ZNF385D: variants seen among roughly 807,000 people sequenced by gnomAD.
ZNF385D encodes zinc finger protein 385D.
A neutral mutation model predicts 35.8 loss-of-function variants in ZNF385D; 15 were observed. That is an observed-to-expected ratio of 0.42 (90% CI 0.28 to 0.64). The LOEUF (loss-of-function observed/expected upper bound fraction) is 0.64. Ranked by LOEUF, ZNF385D falls within the 30% of genes least tolerant of loss-of-function variation. ZNF385D has a pLI of 0.23. For synonymous variants in ZNF385D, 212 were observed against 186.8 expected, an observed-to-expected ratio of 1.13 and a Z score of -1.10; for missense variants, 474 against 494.6, an observed-to-expected ratio of 0.96 and a Z score of 0.39.
At chr3:22,223,378 T>C (rs917242935) in intron 2 of ZNF385D, among the ~76,000 whole-genome samples, 1 of 152,178 alleles carries the variant, frequency 6.6e-6, no homozygotes, top group African/African-American at 2.4e-5. Flanking sequence ...GTACAGTGTT[T>C]AATAATGTAG....
chr3:21,693,913 C>G (rs1485840833), intron 1 of ZNF385D, among the ~76,000 whole-genome samples: 1 of 143,464 alleles, frequency 7.0e-6, no homozygotes, highest in East Asian at 2.0e-4. Flanking sequence ...CGGAGTCTCA[C>G]TGTCACCCAG....
At chr3:21,975,868 G>T (rs995300341) in intron 3 of ZNF385D, among the ~76,000 whole-genome samples, 2 of 151,632 alleles carry the variant, frequency 1.3e-5, no homozygotes, top group African/African-American at 4.9e-5. Flanking sequence ...CTTCCATTGA[G>T]TCATCTGATT....
At chr3:21,612,613 C>A (rs1264913693) in intron 2 of ZNF385D, among the ~76,000 whole-genome samples, 10 of 152,158 alleles carry the variant, frequency 6.6e-5, no homozygotes, top group Non-Finnish European at 1.5e-4. Flanking sequence ...ATATCAGTCA[C>A]AGACATATAA....
chr3:22,103,214 A>ATTTT (rs34216046), intron 3 of ZNF385D, among the ~76,000 whole-genome samples: 13 of 147,486 alleles, frequency 8.8e-5, no homozygotes, highest in Non-Finnish European at 1.6e-4. Flanking sequence ...CCCTGGGGCC[A>ATTTT]TTTTTTTTTT....
At chr3:22,249,996 T>C (rs1576563186) in intron 2 of ZNF385D, among the ~76,000 whole-genome samples, 1 of 152,286 alleles carries the variant, frequency 6.6e-6, no homozygotes, top group South Asian at 2.1e-4. Context: ...CTATACAATG[T>C]GGAAATTTAC....
chr3:21,761,786 A>G (rs1229758653), intron 3 of ZNF385D, among the ~76,000 whole-genome samples: 1 of 147,940 alleles, frequency 6.8e-6, no homozygotes, highest in Non-Finnish European at 1.5e-5. Context: ...TTTTTCAGGT[A>G]TTACCCAAGT....
At chr3:22,032,029 A>C (rs138747670) in intron 3 of ZNF385D, among the ~76,000 whole-genome samples, 25 of 152,328 alleles carry the variant, frequency 1.6e-4, no homozygotes, top group African/African-American at 6.0e-4. Context: ...CTTTCTGCTA[A>C]AGCATAGCAA....
chr3:21,614,992 T>C (rs994766972), intron 2 of ZNF385D, among the ~76,000 whole-genome samples: 4 of 152,200 alleles, frequency 2.6e-5, no homozygotes, highest in Non-Finnish European at 5.9e-5. Flanking sequence ...TGAATAGCCA[T>C]CTGCCAACAA....
intron 3 of ZNF385D, among the ~76,000 whole-genome samples, chr3:22,041,722 G>A (rs1698673426): frequency 6.6e-6 from 1 of 151,966 alleles, no homozygotes; most frequent in African/African-American, 2.4e-5. Flanking sequence ...ATTGTTTTAG[G>A]TGCTAGAAAC....
chr3:21,906,914 T>A (rs1293427109), intron 3 of ZNF385D, among the ~76,000 whole-genome samples: 1 of 152,174 alleles, frequency 6.6e-6, no homozygotes, highest in Non-Finnish European at 1.5e-5. Flanking sequence ...ACTAGCTTCA[T>A]ATTAATCCTG....
At chr3:22,294,881 T>TA (rs1388167098) in intron 2 of ZNF385D, among the ~76,000 whole-genome samples, 1 of 152,130 alleles carries the variant, frequency 6.6e-6, no homozygotes, top group African/African-American at 2.4e-5. Flanking sequence ...CCTTTGTGTT[T>TA]AAAAGGAAAA....
intron 3 of ZNF385D, among the ~76,000 whole-genome samples, chr3:21,865,378 G>GA (rs1393372185): frequency 6.7e-6 from 1 of 149,956 alleles, no homozygotes; most frequent in African/African-American, 2.4e-5. Flanking sequence ...ATTCGTGAAA[G>GA]ATAAAATCCT....
At chr3:22,251,500 C>T (rs1576565775) in intron 2 of ZNF385D, among the ~76,000 whole-genome samples, 2 of 152,102 alleles carry the variant, frequency 1.3e-5, no homozygotes, top group South Asian at 4.1e-4. Flanking sequence ...CATAATTTTA[C>T]AGGTTTCTCC....
chr3:21,554,347 T>C (rs1202828013), intron 3 of ZNF385D, among the ~76,000 whole-genome samples: 1 of 152,172 alleles, frequency 6.6e-6, no homozygotes, highest in Non-Finnish European at 1.5e-5. Flanking sequence ...GAAAGAAATC[T>C]TTTTTTCTGA....
intron 4 of ZNF385D, among the ~76,000 whole-genome samples, chr3:21,441,227 A>T (rs1701842483): frequency 6.6e-6 from 1 of 152,160 alleles, no homozygotes; most frequent in Admixed American, 6.6e-5. Flanking sequence ...CTCAATAAAT[A>T]TTAAGAGAAA....
At chr3:22,108,446 C>A (rs902510015) in intron 3 of ZNF385D, among the ~76,000 whole-genome samples, 7 of 151,958 alleles carry the variant, frequency 4.6e-5, no homozygotes, top group South Asian at 2.1e-4. Flanking sequence ...GCAACTATAG[C>A]TTCCTGATGA....
intron 4 of ZNF385D, among the ~76,000 whole-genome samples, chr3:21,486,959 C>T (rs571194224): frequency 6.6e-6 from 1 of 152,022 alleles, no homozygotes; most frequent in Non-Finnish European, 1.5e-5. Context: ...AACTTCTATT[C>T]TACTGGAAGT....
intron 1 of ZNF385D, among the ~76,000 whole-genome samples, chr3:21,697,761 A>G (rs9813051): frequency 0.16 from 25,039 of 152,078 alleles, 2,187 homozygotes; most frequent in East Asian, 0.22. Context: ...ACTCAACAAG[A>G]AAAAAATGAA....
intron 3 of ZNF385D, chr3:21,777,585 A>G (rs1177666496): frequency 6.6e-6 from 1 of 151,936 alleles, no homozygotes; most frequent in Non-Finnish European, 1.5e-5. Flanking sequence ...TAAATTCATT[A>G]TAACATTTGT....
Sources: gnomAD v4.1 joint callset for allele counts (sites outside exome capture counted in the v4.1 genomes callset) on GRCh38, gnomAD v4.1.1 for gene constraint, MANE v1.5 for transcripts, NCBI Gene and HGNC (gene_info 2026-07-23, HGNC 2026-07-21) for gene names.